The following CACUL1 variants were observed in gnomAD, a reference collection of about 807,000 sequenced individuals.
The protein encoded by CACUL1 is CDK2-associated and cullin domain-containing protein 1.
A neutral mutation model predicts 45.2 loss-of-function variants in CACUL1; 13 were observed. That is an observed-to-expected ratio of 0.29 (90% CI 0.19 to 0.46). The LOEUF is 0.46. CACUL1 is among the 20% of genes least tolerant of loss of function. The pLI, the probability that CACUL1 is intolerant of heterozygous loss-of-function variation, is 1.00. For synonymous variants in CACUL1, 197 were observed against 174.2 expected (o/e 1.13, Z -1.03); for missense variants, 421 against 471.4 (o/e 0.89, Z 0.99).
At position 118,732,946 on chromosome 10, in the gene CACUL1, C is replaced by T. The variant is rs80019739; in HGVS notation, c.368-2536G>A. 5.9e-5 allele frequency among the ~76,000 whole-genome samples: 9 copies of T among 152,220 alleles called. No individual in the cohort carries two copies. In the South Asian group the frequency reaches 1.2e-3, roughly 21 times the overall value. ...TGTACCACCTAAACCACATGAAATA[C>T]CTCTCTACACCGAAAGTTGAGAGTT... On this transcript the variant is annotated intron_variant, in intron 1 of 8. Transcript: ENST00000369151.
intron 3 of CACUL1, chr10:118,726,210 G>T: frequency 1.3e-6 from 1 of 762,036 alleles, no homozygotes; most frequent in Non-Finnish European, 2.0e-6. Context: ...ACTGCCTTAA[G>T]GTCTCTATAA....
rs758215948 is a variant in CACUL1 at position 118,754,481 on chromosome 10, G to A, written c.282C>T (p.Cys94=). ...CCTTGGCCACGGCGGCGGCCGCGTC[G>A]CAGCTCTTCAACATCATGATCACCC... ...ANGVIMMLKS[C]DAAAAVAKAA... The change falls in exon 1 of 9, where the codon TGC becomes TGT. Residue 94 remains cysteine, a synonymous_variant. Transcript: ENST00000369151. 6.2e-7 allele frequency: 1 copy of A among 1,611,804 alleles called. No individual in the cohort carries two copies. The highest frequency in any genetic ancestry group is 2.2e-5 in the East Asian group (1 of 44,668).
intron 1 of CACUL1, 120 bp downstream of exon 1, chr10:118,754,276 G>A (rs923091381): frequency 7.3e-7 from 1 of 1,376,978 alleles, no homozygotes; most frequent in East Asian, 2.8e-5. Context: ...AGGCGGACGG[G>A]GAGAAGAGGA....
intron 8 of CACUL1, 81 bp downstream of exon 8, chr10:118,686,516 CA>C: frequency 1.3e-5 from 14 of 1,062,800 alleles, no homozygotes; most frequent in Non-Finnish European, 2.1e-5. Context: ...TCATCAAATT[CA>C]ATGCACTGTT....
At chr10:118,720,685 C>G (rs1437625266) in intron 3 of CACUL1, among the ~76,000 whole-genome samples, 1 of 152,174 alleles carries the variant, frequency 6.6e-6, no homozygotes, top group Non-Finnish European at 1.5e-5. Context: ...TTTTTGTAAT[C>G]AACTTATACC....
Position 118,733,122 on chromosome 10 carries a change from C to T in CACUL1, c.368-2712G>A, listed in dbSNP as rs182127501. Among the ~76,000 whole-genome samples, 403 of 152,254 alleles carry T rather than the reference C, an allele frequency of 2.6e-3. 2 individuals carry two copies. Among genetic ancestry groups the T allele is most frequent in the Non-Finnish European group, 4.7e-3 (317 of 68,026 alleles). ...ACTCCTACTTCTCAAGCACAGGCTT[C>T]GCACTTTAGCAAATCACCAAGTCAA... On this transcript the variant is annotated intron_variant, in intron 1 of 8. Transcript: ENST00000369151.
In CACUL1 at chr10:118,680,482, G is replaced by A. The variant is rs988620301; in HGVS notation, c.*5646C>T. The A allele has an allele frequency of 1.3e-5, 2 of 152,144 alleles. No homozygotes were observed. Among genetic ancestry groups the A allele is most frequent in the Admixed American group, 1.3e-4 (2 of 15,284 alleles). 9.4% of individuals were successfully genotyped at this position (152,144 alleles called of 1,614,324 possible). ...GCATTCTGACAATACTGTAGGAAAG[G>A]ACACCTCTACAGAGATAGCAAGAGA... is the stretch of plus-strand genomic sequence containing the variant. On this transcript the variant is annotated 3_prime_UTR_variant, in exon 9 of 9. Coordinates refer to ENST00000369151, the MANE Select transcript of CACUL1 (RefSeq NM_153810.5).
intron 1 of CACUL1, among the ~76,000 whole-genome samples, chr10:118,747,246 G>C (rs1845851415): frequency 6.6e-6 from 1 of 152,172 alleles, no homozygotes; most frequent in South Asian, 2.1e-4. Flanking sequence ...CAAGAATGCA[G>C]AGCCTAACCA....
intron 1 of CACUL1, among the ~76,000 whole-genome samples, chr10:118,741,867 TCTC>T (rs988992268): frequency 6.6e-6 from 1 of 152,142 alleles, no homozygotes; most frequent in Non-Finnish European, 1.5e-5. Flanking sequence ...TGAGCCAGTC[TCTC>T]CTCCTACTCT....
intron 1 of CACUL1, among the ~76,000 whole-genome samples, chr10:118,752,174 T>C (rs1431289596): frequency 6.6e-6 from 1 of 152,192 alleles, no homozygotes; most frequent in Non-Finnish European, 1.5e-5. Flanking sequence ...CTCCTTATAA[T>C]GTTAGCCAGG....
chr10:118,714,098 G>A (rs1394408390), intron 3 of CACUL1, among the ~76,000 whole-genome samples: 2 of 152,060 alleles, frequency 1.3e-5, no homozygotes, highest in African/African-American at 4.8e-5. Context: ...TTACATTTTT[G>A]CAAGTCTCTT....
intron 5 of CACUL1, among the ~76,000 whole-genome samples, chr10:118,696,699 G>A (rs755669592): frequency 4.6e-5 from 7 of 152,230 alleles, no homozygotes; most frequent in East Asian, 1.9e-4. Flanking sequence ...ATACTAGGCC[G>A]CATGCGGCCC....
At chr10:118,700,716 C>CAAAAAAAAAAAAAAAAAAAAA (rs59032746) in intron 5 of CACUL1, among the ~76,000 whole-genome samples, 27 of 132,908 alleles carry the variant, frequency 2.0e-4, no homozygotes, top group African/African-American at 8.2e-4. Flanking sequence ...GACTCCGTCT[C>CAAAAAAAAAAAAAAAAAAAAA]AAAAAAAAAA....
At chr10:118,718,374 C>G (rs1430996654) in intron 3 of CACUL1, among the ~76,000 whole-genome samples, 1 of 152,050 alleles carries the variant, frequency 6.6e-6, no homozygotes, top group Non-Finnish European at 1.5e-5. Flanking sequence ...CACCTGCACA[C>G]CAAACCAGAG....
Position 118,729,569 on chromosome 10 carries a change from G to A in CACUL1, c.495-172C>T, listed in dbSNP as rs561789848. The stretch of plus-strand genomic sequence containing the variant: ...ACTTTATCCTCCCCCATCGGTGTTC[G>A]GATGGAAAAGATAGTACCATCTGCT... On this transcript the variant is annotated intron_variant, in intron 2 of 8. Coordinates refer to ENST00000369151, the MANE Select transcript of CACUL1 (RefSeq NM_153810.5). Among the ~76,000 whole-genome samples, 5 of 152,254 alleles carry A rather than the reference G, an allele frequency of 3.3e-5. No homozygotes were observed. In the East Asian group the frequency reaches 5.8e-4, roughly 18 times the overall value.
chr10:118,705,889 A>G (rs1845427903), intron 4 of CACUL1, among the ~76,000 whole-genome samples: 1 of 152,240 alleles, frequency 6.6e-6, no homozygotes, highest in Non-Finnish European at 1.5e-5. Context: ...AAAACAATTT[A>G]CATAACAAAT....
rs1845935793 is a variant in CACUL1, at chr10:118,754,561, T to C, written c.202A>G (p.Lys68Glu). The C allele has an allele frequency of 6.2e-7, 1 of 1,611,654 alleles. No homozygotes were observed. Among genetic ancestry groups the C allele is most frequent in the African/African-American group, 1.3e-5 (1 of 74,680 alleles). ...LAVPAVSVDRKGPKEGLPMGP... is the reference protein window; with the variant it reads ...LAVPAVSVDREGPKEGLPMGP... ...ATCGGGAGCCCCTCCTTGGGGCCTTTCCTGTCCACGGAGACCGCGGGCACC... is the reference window on the plus strand; with the variant it reads ...ATCGGGAGCCCCTCCTTGGGGCCTTCCCTGTCCACGGAGACCGCGGGCACC... Residue 68 changes from lysine (K) to glutamate (E), a missense_variant, in exon 1 of 9, where the codon AAA becomes GAA. By Grantham distance (56) the Lys-to-Glu change is moderately conservative. Around this residue, in one of 2 missense-constraint regions of CACUL1, gnomAD observed 213 missense variants for 173.1 expected, o/e 1.23. Transcript: ENST00000369151.
At chr10:118,694,099 C>T (rs1385299840) in intron 6 of CACUL1, among the ~76,000 whole-genome samples, 2 of 152,122 alleles carry the variant, frequency 1.3e-5, no homozygotes, top group African/African-American at 4.8e-5. Context: ...CTCCTGACCT[C>T]GTGATCTGCC....
chr10:118,709,431 C>A (rs1845464075), intron 3 of CACUL1, among the ~76,000 whole-genome samples: 1 of 152,170 alleles, frequency 6.6e-6, no homozygotes. Context: ...TAAAGAAACA[C>A]CTAAATGGCC....
Sources: allele counts gnomAD v4.1 joint callset (sites outside exome capture counted in the v4.1 genomes callset), GRCh38; gene constraint gnomAD v4.1.1; regional missense constraint gnomAD v4.1.1; transcripts MANE v1.5; gene names NCBI Gene and HGNC (gene_info 2026-07-23, HGNC 2026-07-21).